Variants in RIN2 observed in about 807,000 individuals in gnomAD.
RIN2 encodes Ras and Rab interactor 2.
In RIN2, 36 loss-of-function variants were observed where a neutral mutation model predicts 78.0. The ratio of observed to expected loss-of-function variants is 0.46; its 90% CI spans 0.35 to 0.61. The LOEUF is 0.61. Ranked by LOEUF, RIN2 falls within the 20% of genes least tolerant of loss-of-function variation. RIN2 has a pLI of 0.00. For synonymous variants in RIN2, 466 were observed against 466.8 expected, an observed-to-expected ratio of 1.00 and a Z score of 0.02; for missense variants, 1,087 against 1,159.7, an observed-to-expected ratio of 0.94 and a Z score of 0.91.
chr20:19,764,917 C>T (rs6112563), intron 1 of RIN2, among the ~76,000 whole-genome samples: 68,549 of 110,512 alleles, frequency 0.62, 21,022 homozygotes, highest in East Asian at 0.74. Context: ...TCACTTTCTG[C>T]GTTTTTTTTT....
intron 9 of RIN2, among the ~76,000 whole-genome samples, chr20:19,987,822 C>A (rs1342461584): frequency 6.6e-6 from 1 of 152,096 alleles, no homozygotes; most frequent in Non-Finnish European, 1.5e-5. Flanking sequence ...TAACCTCCTT[C>A]GCATCAACCT....
intron 2 of RIN2, among the ~76,000 whole-genome samples, chr20:19,824,930 C>G (rs886414996): frequency 6.6e-6 from 1 of 152,188 alleles, no homozygotes; most frequent in South Asian, 2.1e-4. Context: ...TGTGATGGCT[C>G]TCAGTGGCCC....
chr20:19,905,417 A>T (rs982463828), intron 3 of RIN2, among the ~76,000 whole-genome samples: 1 of 152,208 alleles, frequency 6.6e-6, no homozygotes, highest in Non-Finnish European at 1.5e-5. Context: ...TCCAGCTGGC[A>T]TCTGTGCTTG....
At chr20:19,832,746 T>C (rs2123011942) in intron 2 of RIN2, among the ~76,000 whole-genome samples, 1 of 152,142 alleles carries the variant, frequency 6.6e-6, no homozygotes, top group Non-Finnish European at 1.5e-5. Flanking sequence ...TGCTTCCAGG[T>C]GTTGCTGCAT....
At chr20:19,837,169 A>ACACACACACAC (rs1491093860) in intron 2 of RIN2, among the ~76,000 whole-genome samples, 11 of 140,210 alleles carry the variant, frequency 7.8e-5, no homozygotes, top group Admixed American at 2.8e-4. Context: ...CGCCCCCCCC[A>ACACACACACAC]ACACACACAC....
At chr20:19,846,013 G>A (rs2036771116) in intron 2 of RIN2, among the ~76,000 whole-genome samples, 1 of 152,094 alleles carries the variant, frequency 6.6e-6, no homozygotes, top group Admixed American at 6.6e-5. Flanking sequence ...GTTTTTGTCA[G>A]GTTTGTCAAA....
intron 2 of RIN2, among the ~76,000 whole-genome samples, chr20:19,873,736 G>A (rs1050691843): frequency 3.3e-5 from 5 of 152,074 alleles, no homozygotes; most frequent in Non-Finnish European, 5.9e-5. Context: ...CCATAGAACC[G>A]AATTTGCATC....
At chr20:19,927,724 C>CT (rs998024269) in intron 3 of RIN2, among the ~76,000 whole-genome samples, 3 of 151,472 alleles carry the variant, frequency 2.0e-5, no homozygotes, top group African/African-American at 7.3e-5. Context: ...CAATTTTTTA[C>CT]TTTTTTGTAG....
chr20:19,794,583 A>G (rs1413243882), intron 1 of RIN2, among the ~76,000 whole-genome samples: 4 of 151,952 alleles, frequency 2.6e-5, no homozygotes, highest in Non-Finnish European at 5.9e-5. Context: ...GTAATGATGA[A>G]TAACGTTCAT....
intron 6 of RIN2, among the ~76,000 whole-genome samples, chr20:19,962,265 G>A (rs1293116185): frequency 1.3e-5 from 2 of 151,320 alleles, no homozygotes; most frequent in African/African-American, 2.4e-5. Context: ...CAGCCTGGGC[G>A]ACAGAGCCAG....
rs1275332569 is a variant in RIN2, at chr20:19,996,816, A to G, written c.2338A>G (p.Thr780Ala). Residue 780 changes from threonine (T) to alanine (A), a missense_variant, in exon 12 of 13, where the codon ACC (threonine) becomes GCC (alanine). By Grantham distance (58) the Thr-to-Ala change is moderately conservative. Around this residue, in one of 8 missense-constraint regions of RIN2, gnomAD observed 160 missense variants for 179.4 expected, o/e 0.89. Coordinates refer to ENST00000255006, the MANE Select transcript of RIN2 (RefSeq NM_018993.4). ...GCACAAACGGAGAACCACCAACCGG[A>G]CCATCCCCTCTGTGGACGACTTCCA... ...QWHKRRTTNR[T>A]IPSVDDFQNY... 3.1e-6 allele frequency: 5 copies of G among 1,603,016 alleles called. No individual in the cohort carries two copies. Among genetic ancestry groups the G allele is most frequent in the Non-Finnish European group, 4.3e-6 (5 of 1,174,610 alleles).
At chr20:19,840,203 G>A (rs1484895581) in intron 2 of RIN2, among the ~76,000 whole-genome samples, 1 of 152,166 alleles carries the variant, frequency 6.6e-6, no homozygotes, top group South Asian at 2.1e-4. Flanking sequence ...CAGAAACTTG[G>A]AGAGAACATT....
At chr20:19,938,879 C>T (rs2040752576) in intron 4 of RIN2, among the ~76,000 whole-genome samples, 1 of 152,100 alleles carries the variant, frequency 6.6e-6, no homozygotes, top group African/African-American at 2.4e-5. Context: ...GGTTGGTAAC[C>T]AACTGCCCAC....
intron 2 of RIN2, among the ~76,000 whole-genome samples, chr20:19,821,833 T>C (rs2035936355): frequency 6.6e-6 from 1 of 152,166 alleles, no homozygotes; most frequent in Non-Finnish European, 1.5e-5. Context: ...AGTGATCTTG[T>C]TGGTAGTGTC....
chr20:19,884,484 A>G (rs973269256), intron 2 of RIN2, among the ~76,000 whole-genome samples: 9 of 152,178 alleles, frequency 5.9e-5, no homozygotes, highest in African/African-American at 2.2e-4. Flanking sequence ...CTGGGAATAC[A>G]GTTCTTTCCA....
At chr20:19,922,717 C>G (rs940788484) in intron 3 of RIN2, among the ~76,000 whole-genome samples, 1 of 152,144 alleles carries the variant, frequency 6.6e-6, no homozygotes, top group African/African-American at 2.4e-5. Flanking sequence ...ATGAAAGTGC[C>G]CATGGGGACC....
chr20:19,927,603 C>T (rs1024602109), intron 3 of RIN2, among the ~76,000 whole-genome samples: 12 of 151,954 alleles, frequency 7.9e-5, no homozygotes, highest in African/African-American at 2.7e-4. Context: ...TTAGTAGAGA[C>T]GGGGTTCCAC....
At chr20:19,878,087 C>T (rs2037912738) in intron 2 of RIN2, among the ~76,000 whole-genome samples, 1 of 152,146 alleles carries the variant, frequency 6.6e-6, no homozygotes, top group Non-Finnish European at 1.5e-5. Flanking sequence ...TACCTGCCAC[C>T]CAATAGTCCC....
intron 11 of RIN2, among the ~76,000 whole-genome samples, chr20:19,994,993 C>G (rs185627): frequency 6.6e-6 from 1 of 152,158 alleles, no homozygotes; most frequent in East Asian, 1.9e-4. Flanking sequence ...AAGTCTTCAT[C>G]TGCAACCTGA....
Sources: allele counts gnomAD v4.1 joint callset (sites outside exome capture counted in the v4.1 genomes callset), GRCh38; gene constraint gnomAD v4.1.1; regional missense constraint gnomAD v4.1.1; transcripts MANE v1.5; gene names NCBI Gene and HGNC (gene_info 2026-07-23, HGNC 2026-07-21).